Variants in TDRD7 observed in about 807,000 individuals in gnomAD.
TDRD7 encodes the protein tudor domain-containing protein 7.
TDRD7 carries 47 observed loss-of-function variants against 109.8 expected under a neutral mutation model. That is an observed-to-expected ratio of 0.43 (90% CI 0.34 to 0.55). The LOEUF is 0.55. TDRD7 is among the 20% of genes least tolerant of loss of function. TDRD7 has a pLI of 0.03. For missense variants in TDRD7, 1,164 were observed against 1,319.2 expected (o/e 0.88, Z 1.82); for synonymous variants, 424 against 457.3 (o/e 0.93, Z 0.93).
At chr9:97,453,307 C>T (rs547952971) in intron 6 of TDRD7, among the ~76,000 whole-genome samples, 1 of 152,042 alleles carries the variant, frequency 6.6e-6, no homozygotes, top group Admixed American at 6.5e-5. Flanking sequence ...TGCATAACAA[C>T]ATTTTGGTCA....
intron 4 of TDRD7, among the ~76,000 whole-genome samples, chr9:97,432,970 G>C (rs1224700845): frequency 6.6e-6 from 1 of 152,168 alleles, no homozygotes; most frequent in East Asian, 1.9e-4. Context: ...TGGCAGAAGT[G>C]AGTAGTTGTA....
intron 6 of TDRD7, among the ~76,000 whole-genome samples, chr9:97,446,089 C>T (rs970702774): frequency 5.3e-5 from 8 of 152,146 alleles, no homozygotes; most frequent in African/African-American, 1.9e-4. Flanking sequence ...ATGATGGCAC[C>T]ACTGCACTCC....
intron 6 of TDRD7, among the ~76,000 whole-genome samples, chr9:97,448,336 T>A (rs892658641): frequency 2.6e-5 from 4 of 152,214 alleles, no homozygotes; most frequent in African/African-American, 9.6e-5. Context: ...TGCCCTTGCA[T>A]GTTTCACATC....
At chr9:97,452,018 A>G (rs1009661326) in intron 6 of TDRD7, among the ~76,000 whole-genome samples, 4 of 152,252 alleles carry the variant, frequency 2.6e-5, no homozygotes, top group Admixed American at 2.6e-4. Flanking sequence ...TTTTAACTTT[A>G]AAAGGAGTTT....
chr9:97,487,170 A>G lies in TDRD7; in HGVS notation c.2916-2A>G, dbSNP rs755673541. The G allele has an allele frequency of 6.2e-7, 1 of 1,613,934 alleles. No homozygotes were observed. On this transcript the variant is annotated splice_acceptor_variant, in intron 15 of 16. Transcript: ENST00000355295. LOFTEE classifies it high-confidence loss of function. ...TTCCTTTTTAATTTAATGTACATCT[A>G]GGTGGCACAGGGTGCTTTTAAAAGG...
intron 6 of TDRD7, among the ~76,000 whole-genome samples, chr9:97,456,901 AT>A (rs1000933697): frequency 1.1e-4 from 16 of 152,154 alleles, no homozygotes; most frequent in Admixed American, 3.3e-4. Context: ...ATGGGAGAAA[AT>A]TTTTGCAAAC....
chr9:97,457,820 T>C (rs6478209), intron 6 of TDRD7, among the ~76,000 whole-genome samples: 81,644 of 151,996 alleles, frequency 0.54, 22,160 homozygotes, highest in African/African-American at 0.61. Context: ...GGAATGAGAT[T>C]ATCTCCTTGC....
chr9:97,456,565 A>G (rs534192815), intron 6 of TDRD7, among the ~76,000 whole-genome samples: 1 of 152,224 alleles, frequency 6.6e-6, no homozygotes, highest in Non-Finnish European at 1.5e-5. Flanking sequence ...TGACAAAAGC[A>G]ATGGGGAAAG....
intron 1 of TDRD7, among the ~76,000 whole-genome samples, chr9:97,425,305 T>G (rs1261045000): frequency 6.6e-6 from 1 of 152,206 alleles, no homozygotes; most frequent in Non-Finnish European, 1.5e-5. Context: ...TGGTCAACAA[T>G]GGACTGCATA....
chr9:97,473,712 T>G lies in TDRD7; in HGVS notation c.2079+86T>G, dbSNP rs182073676. On this transcript the variant is annotated intron_variant, in intron 11 of 16. Coordinates refer to ENST00000355295, the MANE Select transcript of TDRD7 (RefSeq NM_014290.3). ...ACTAAATTGCATAAGTATGAACAAT[T>G]TTTTTTGTATGAACGATTTTTTAGT... The G allele has an allele frequency of 5.7e-6, 9 of 1,582,564 alleles. No individual in the cohort carries two copies. In the East Asian group the frequency reaches 1.8e-4, roughly 32 times the overall value.
intron 6 of TDRD7, among the ~76,000 whole-genome samples, chr9:97,449,587 T>C (rs4557815): frequency 0.89 from 135,197 of 152,270 alleles, 60,217 homozygotes; most frequent in African/African-American, 0.93. Context: ...CTGTGCCCTC[T>C]CTGGGCCTGC....
chr9:97,475,282 C>T (rs1325838499), intron 11 of TDRD7, 101 bp from the exon 12 acceptor site: 5 of 883,832 alleles, frequency 5.7e-6, no homozygotes, highest in East Asian at 5.1e-5. Flanking sequence ...GACTACATGT[C>T]GGTTAAGTCT....
At chr9:97,413,063 G>T (rs898560321) in intron 1 of TDRD7, among the ~76,000 whole-genome samples, 1 of 152,138 alleles carries the variant, frequency 6.6e-6, no homozygotes, top group Non-Finnish European at 1.5e-5. Context: ...GAAGAATTCT[G>T]ATCACCGCCC....
At chr9:97,468,849 C>T (rs1191468251) in intron 8 of TDRD7, among the ~76,000 whole-genome samples, 2 of 152,104 alleles carry the variant, frequency 1.3e-5, no homozygotes, top group Middle Eastern at 3.2e-3. Flanking sequence ...TGGCCCTGAT[C>T]CCAGGACATT....
At chr9:97,471,134 A>G (rs980305062) in intron 9 of TDRD7, among the ~76,000 whole-genome samples, 1 of 152,114 alleles carries the variant, frequency 6.6e-6, no homozygotes, top group African/African-American at 2.4e-5. Context: ...GGCATAGTAG[A>G]TGTATCATTG....
chr9:97,475,315 T>G, intron 11 of TDRD7, 68 bp from the exon 12 acceptor site: 2 of 1,284,100 alleles, frequency 1.6e-6, no homozygotes, highest in South Asian at 2.4e-5. Context: ...GCGATCTGTT[T>G]TTCTAATGGT....
At position 97,480,940 on chromosome 9, in the gene TDRD7, T is replaced by G. The variant is rs772768685; in HGVS notation, c.2412+2T>G. The G allele has an allele frequency of 6.2e-7, 1 of 1,612,912 alleles. No individual in the cohort carries two copies. The highest frequency in any genetic ancestry group is 8.5e-7 in the Non-Finnish European group (1 of 1,178,912). On this transcript the variant is annotated splice_donor_variant, in intron 14 of 16. Coordinates refer to ENST00000355295, the MANE Select transcript of TDRD7 (RefSeq NM_014290.3). LOFTEE classifies it high-confidence loss of function. ...AATTGCTCGGACTGTAGCATTAAGGTTAGCTATCTTGTTGGGCCTGATACA... is the reference window on the plus strand; with the variant it reads ...AATTGCTCGGACTGTAGCATTAAGGGTAGCTATCTTGTTGGGCCTGATACA...
rs1455590371 is a variant in TDRD7, at chr9:97,475,462, G to A, written c.2159G>A (p.Arg720Gln). ...TTCCATTGCAAAGGAAAATGGTTAC[G>A]AGTAGAGGTAAAAATCAGTCACTTG... Reference protein sequence around the residue: ...CLFHCKGKWLRVEITNVHSSR... With the variant: ...CLFHCKGKWLQVEITNVHSSR... The change falls in exon 12 of 17, where the codon CGA becomes CAA. Residue 720 changes from arginine to glutamine, a missense_variant. By Grantham distance (43) the Arg-to-Gln change is conservative. Around this residue, in one of 5 missense-constraint regions of TDRD7, gnomAD observed 261 missense variants for 336.2 expected, o/e 0.78. Transcript: ENST00000355295. 3 of 1,610,998 alleles carry A rather than the reference G, an allele frequency of 1.9e-6. No individual in the cohort carries two copies. Among genetic ancestry groups the A allele is most frequent in the Non-Finnish European group, 2.5e-6 (3 of 1,177,498 alleles).
At chr9:97,480,606 G>T (rs913618821) in intron 13 of TDRD7, 7 of 534,404 alleles carry the variant, frequency 1.3e-5, no homozygotes, top group South Asian at 9.2e-5. Flanking sequence ...AGTGCTGGGG[G>T]TAAGCCCTGG....
Sources: gnomAD v4.1 joint callset for allele counts (sites outside exome capture counted in the v4.1 genomes callset) on GRCh38, gnomAD v4.1.1 for gene constraint, gnomAD v4.1.1 regional missense constraint, MANE v1.5 for transcripts, NCBI Gene and HGNC (gene_info 2026-07-23, HGNC 2026-07-21) for gene names.